PSMA1: variants seen among roughly 807,000 people sequenced by gnomAD.
PSMA1 encodes proteasome subunit alpha type-1.
PSMA1 carries 3 observed loss-of-function variants against 38.4 expected under a neutral mutation model. The ratio of observed to expected loss-of-function variants is 0.08; its 90% CI spans 0.04 to 0.20. The LOEUF (loss-of-function observed/expected upper bound fraction) is 0.20. Among genes scored for constraint, PSMA1 ranks in the 10% least tolerant of loss-of-function variants. The pLI, the probability that PSMA1 is intolerant of heterozygous loss-of-function variation, is 1.00. For synonymous variants in PSMA1, 101 were observed against 107.1 expected (o/e 0.94, Z 0.35); for missense variants, 227 against 325.3 (o/e 0.70, Z 2.32).
chr11:14,543,455 T>G (rs1423018860), intron 2 of PSMA1, among the ~76,000 whole-genome samples: 1 of 152,156 alleles, frequency 6.6e-6, no homozygotes, highest in African/African-American at 2.4e-5. Context: ...AAAGCATACA[T>G]GATTCGGTGG....
intron 1 of PSMA1, among the ~76,000 whole-genome samples, chr11:14,614,507 T>C (rs1852747296): frequency 6.6e-6 from 1 of 152,164 alleles, no homozygotes; most frequent in South Asian, 2.1e-4. Flanking sequence ...TAGATATTTC[T>C]GTTAGTGATC....
chr11:14,506,868 G>A (rs1851252593), intron 9 of PSMA1, among the ~76,000 whole-genome samples: 1 of 152,186 alleles, frequency 6.6e-6, no homozygotes, highest in South Asian at 2.1e-4. Context: ...CTGAAACTAC[G>A]TGGACAGAGG....
chr11:14,623,195 A>T (rs960653446), intron 1 of PSMA1, among the ~76,000 whole-genome samples: 3 of 152,244 alleles, frequency 2.0e-5, no homozygotes, highest in Admixed American at 6.5e-5. Context: ...CATTCACAAC[A>T]GCTGAAATAA....
At chr11:14,531,119 T>TA (rs1851643183) in intron 2 of PSMA1, among the ~76,000 whole-genome samples, 1 of 152,168 alleles carries the variant, frequency 6.6e-6, no homozygotes, top group African/African-American at 2.4e-5. Context: ...ACCCTATAGA[T>TA]ATACTTCACC....
intron 2 of PSMA1, among the ~76,000 whole-genome samples, chr11:14,563,541 A>G (rs1043214147): frequency 1.3e-5 from 2 of 152,238 alleles, no homozygotes; most frequent in African/African-American, 4.8e-5. Context: ...ATGGTATTAA[A>G]GACTGAAGTG....
At chr11:14,628,161 T>C (rs1441615974) in intron 1 of PSMA1, among the ~76,000 whole-genome samples, 2 of 152,174 alleles carry the variant, frequency 1.3e-5, no homozygotes, top group Non-Finnish European at 2.9e-5. Context: ...TGAGATGGAA[T>C]AGTTTTTCTT....
At chr11:14,552,561 C>G (rs980840148) in intron 2 of PSMA1, among the ~76,000 whole-genome samples, 6 of 152,230 alleles carry the variant, frequency 3.9e-5, no homozygotes, top group Admixed American at 6.5e-5. Context: ...AAGACAATTA[C>G]TCTATGGTAA....
chr11:14,546,318 C>T (rs1283587001), intron 2 of PSMA1, among the ~76,000 whole-genome samples: 1 of 147,346 alleles, frequency 6.8e-6, no homozygotes, highest in Non-Finnish European at 1.6e-5. Flanking sequence ...CTCCACCCTG[C>T]CCCCCAACAA....
At chr11:14,618,051 A>T (rs576092330) in intron 1 of PSMA1, among the ~76,000 whole-genome samples, 2 of 152,328 alleles carry the variant, frequency 1.3e-5, no homozygotes, top group African/African-American at 2.4e-5. Flanking sequence ...TTTCAGAAAG[A>T]TTCCCATTTG....
At chr11:14,569,471 C>T (rs1424837011) in intron 2 of PSMA1, among the ~76,000 whole-genome samples, 4 of 152,148 alleles carry the variant, frequency 2.6e-5, no homozygotes, top group Admixed American at 6.5e-5. Context: ...CAAGGGAAGC[C>T]ATGACAGACG....
chr11:14,638,541 CTCTCTA>C (rs1459608418), intron 1 of PSMA1, among the ~76,000 whole-genome samples: 6 of 15,706 alleles, frequency 3.8e-4, no homozygotes, highest in South Asian at 2.7e-3. Flanking sequence ...CTCTCTCTCT[CTCTCTA>C]TATATATATA....
chr11:14,522,317 A>G (rs1851539791), upstream of PSMA1, among the ~76,000 whole-genome samples: 1 of 152,208 alleles, frequency 6.6e-6, no homozygotes, highest in South Asian at 2.1e-4. Context: ...TATCATAAAA[A>G]TACTATAATG....
chr11:14,640,251 G>A (rs1853182107), intron 1 of PSMA1, among the ~76,000 whole-genome samples: 1 of 152,102 alleles, frequency 6.6e-6, no homozygotes. Flanking sequence ...GAGAAAGAAG[G>A]AAGACTGTAA....
In PSMA1 at chr11:14,623,140, A is replaced by T. The variant is rs192534450; in HGVS notation, c.-165-11989T>A. ...TCAAGGATTGAGCCTGAGAAGGACA[A>T]AGGACATGGCAAATTGCATGCGCAG... On this transcript the variant is annotated intron_variant, in intron 1 of 10. Transcript: ENST00000418988. Among the ~76,000 whole-genome samples, 8 of 152,348 alleles carry T rather than the reference A, an allele frequency of 5.3e-5. No individual in the cohort carries two copies. The East Asian group carries it at 1.5e-3, about 29-fold the overall frequency.
chr11:14,596,441 C>T (rs928214165), intron 2 of PSMA1, among the ~76,000 whole-genome samples: 5 of 152,162 alleles, frequency 3.3e-5, no homozygotes, highest in Non-Finnish European at 7.4e-5. Flanking sequence ...TTGTAGTTCT[C>T]CTTGAAGAGG....
intron 8 of PSMA1, among the ~76,000 whole-genome samples, chr11:14,509,620 C>T (rs1851307332): frequency 1.3e-5 from 2 of 151,376 alleles, no homozygotes; most frequent in Non-Finnish European, 2.9e-5. Flanking sequence ...AGGCTGGTCT[C>T]GAACTCCTGA....
intron 1 of PSMA1, among the ~76,000 whole-genome samples, chr11:14,614,540 C>T (rs1004493280): frequency 2.0e-5 from 3 of 152,086 alleles, no homozygotes; most frequent in South Asian, 2.1e-4. Flanking sequence ...AAACTCAGTA[C>T]GCAGAAAGAT....
chr11:14,611,100 T>A, exon 2 of PSMA1: 1 of 1,024,062 alleles, frequency 9.8e-7, no homozygotes, highest in Non-Finnish European at 1.5e-6. Flanking sequence ...ACTCTGCTAC[T>A]GGCCTTGCTG....
intron 2 of PSMA1, among the ~76,000 whole-genome samples, chr11:14,547,603 G>A: frequency 6.6e-6 from 1 of 152,102 alleles, no homozygotes; most frequent in East Asian, 1.9e-4. Flanking sequence ...CCAAGCCAAA[G>A]CAAGGTCATG....
Sources: allele counts gnomAD v4.1 joint callset (sites outside exome capture counted in the v4.1 genomes callset), GRCh38; gene constraint gnomAD v4.1.1; transcripts MANE v1.5; gene names NCBI Gene and HGNC (gene_info 2026-07-23, HGNC 2026-07-21).